Variants in ITGB6 observed in about 807,000 individuals in gnomAD.
ITGB6 encodes the protein integrin subunit beta 6.
ITGB6 carries 80 observed loss-of-function variants against 84.5 expected under a neutral mutation model. The ratio of observed to expected loss-of-function variants is 0.95; its 90% confidence interval spans 0.79 to 1.14. The LOEUF (loss-of-function observed/expected upper bound fraction) is 1.14, where lower values mean the gene tolerates loss of function less well. Ranked by LOEUF, ITGB6 falls within the 50% of genes most tolerant of loss-of-function variation. The pLI is 0.00. For synonymous variants in ITGB6, 383 were observed against 354.9 expected (o/e 1.08, Z -0.89); for missense variants, 1,006 against 968.0 (o/e 1.04, Z -0.52).
intron 7 of ITGB6, among the ~76,000 whole-genome samples, chr2:160,153,674 T>G (rs1684514079): frequency 6.6e-6 from 1 of 152,058 alleles, no homozygotes. Flanking sequence ...GGAGAAAATT[T>G]TTGCAACCTA....
intron 6 of ITGB6, among the ~76,000 whole-genome samples, chr2:160,171,362 T>C (rs1296495345): frequency 7.2e-6 from 1 of 139,808 alleles, no homozygotes; most frequent in East Asian, 2.1e-4. Flanking sequence ...GGAGACGGAG[T>C]CTCGCTCTGT....
At chr2:160,113,157 T>C (rs1559090732) in intron 12 of ITGB6, among the ~76,000 whole-genome samples, 1 of 152,258 alleles carries the variant, frequency 6.6e-6, no homozygotes, top group Non-Finnish European at 1.5e-5. Flanking sequence ...TAGTGTGTTA[T>C]GCTACAATGG....
At chr2:160,135,539 A>G (rs1683673214) in intron 10 of ITGB6, among the ~76,000 whole-genome samples, 2 of 152,094 alleles carry the variant, frequency 1.3e-5, no homozygotes, top group Admixed American at 1.3e-4. Flanking sequence ...TCTTCACAGA[A>G]CTGGAAAAAA....
chr2:160,151,033 A>G lies in ITGB6; in HGVS notation c.1018-8962T>C, dbSNP rs1263622170. ...AGACACTGTCTCTCATTAGACAGAT[A>G]AACAAGGCAGAAGCTTAACAAGGAT... On this transcript the variant is annotated intron_variant, in intron 7 of 14. Transcript: ENST00000283249. Among the ~76,000 whole-genome samples the G allele has an allele frequency of 5.6e-4, 85 of 152,062 alleles. 1 individual carries two copies. Among genetic ancestry groups the G allele is most frequent in the Admixed American group, 5.6e-3 (85 of 15,250 alleles).
At chr2:160,175,778 A>G (rs1018081558) in intron 4 of ITGB6, among the ~76,000 whole-genome samples, 1 of 152,220 alleles carries the variant, frequency 6.6e-6, no homozygotes, top group African/African-American at 2.4e-5. Flanking sequence ...AAGCACACAT[A>G]AAATAAGTTT....
Position 160,200,020 on chromosome 2 carries a change from C to T in ITGB6, c.44G>A (p.Arg15Lys), listed in dbSNP as rs188990572. Residue 15 changes from arginine to lysine, a missense_variant, in exon 1 of 15, where the codon AGG (arginine) becomes AAG (lysine). Physicochemically the swap from Arg to Lys is conservative, Grantham distance 26 (BLOSUM62 2). Coordinates refer to ENST00000283249, the MANE Select transcript of ITGB6 (RefSeq NM_000888.5). Reference protein sequence around the residue: ...LLCLFFLFLGRNDHVQGGCAL... With the variant: ...LLCLFFLFLGKNDHVQGGCAL... ...GGTCTTACCTTGTACGTGATCATTC[C>T]TTCCTAGAAATAGAAAGAACAGGCA... The T allele has an allele frequency of 5.3e-4, 854 of 1,613,668 alleles. 5 individuals carry two copies. The East Asian group carries it at 8.5e-3, about 16-fold the overall frequency.
intron 12 of ITGB6, among the ~76,000 whole-genome samples, chr2:160,118,347 A>G (rs1335145484): frequency 2.0e-5 from 3 of 152,252 alleles, no homozygotes; most frequent in Admixed American, 1.3e-4. Context: ...CTGGGATGCA[A>G]GGCTGATTCA....
rs1047774471 is a variant in ITGB6, at chr2:160,135,950, T to C, written c.1660+1484A>G. Among the ~76,000 whole-genome samples the C allele has an allele frequency of 2.6e-5, 4 of 152,236 alleles. No individual in the cohort carries two copies. In the South Asian group the frequency reaches 6.2e-4, roughly 24 times the overall value. On this transcript the variant is annotated intron_variant, in intron 10 of 14. Coordinates refer to ENST00000283249, the MANE Select transcript of ITGB6 (RefSeq NM_000888.5). ...ATATTAGACCTAAAACAATAAAAAC[T>C]CTAGAAGAAAACCTAGGCAATGCCA...
At chr2:160,172,879 A>G in intron 5 of ITGB6, 149 bp from the exon 6 acceptor site, 1 of 540,680 alleles carries the variant, frequency 1.8e-6, no homozygotes, top group East Asian at 2.8e-5. Context: ...TGATAATATT[A>G]ATGTTTTTAA....
intron 7 of ITGB6, among the ~76,000 whole-genome samples, chr2:160,158,812 G>C (rs1402541717): frequency 6.6e-6 from 1 of 152,122 alleles, no homozygotes; most frequent in Non-Finnish European, 1.5e-5. Flanking sequence ...TAGAAATGCA[G>C]ATTCTTGGCT....
chr2:160,199,510 A>G (rs1178878008), intron 1 of ITGB6, among the ~76,000 whole-genome samples: 1 of 152,208 alleles, frequency 6.6e-6, no homozygotes, highest in Non-Finnish European at 1.5e-5. Flanking sequence ...TTTTTCTTAA[A>G]ATGTGAAAGT....
intron 10 of ITGB6, among the ~76,000 whole-genome samples, chr2:160,133,116 G>A (rs1683538626): frequency 6.6e-6 from 1 of 152,068 alleles, no homozygotes; most frequent in Non-Finnish European, 1.5e-5. Context: ...GTCAGTCAGT[G>A]GCAAATTGGA....
chr2:160,115,605 C>T (rs941234664), intron 12 of ITGB6, among the ~76,000 whole-genome samples: 3 of 152,312 alleles, frequency 2.0e-5, no homozygotes, highest in African/African-American at 7.2e-5. Flanking sequence ...AGCAGAGTGC[C>T]TCTCCTCCTC....
Position 160,193,211 on chromosome 2 carries a change from C to G in ITGB6, c.593+2158G>C, listed in dbSNP as rs557672294. ...TCATAGCAGCCTTTTCATAATAGCTCCCCAAAATAGAAACAACCCAAATGT... is the reference window on the plus strand; with the variant it reads ...TCATAGCAGCCTTTTCATAATAGCTGCCCAAAATAGAAACAACCCAAATGT... On this transcript the variant is annotated intron_variant, in intron 4 of 14. Coordinates refer to ENST00000283249, the MANE Select transcript of ITGB6 (RefSeq NM_000888.5). 2.6e-5 allele frequency among the ~76,000 whole-genome samples: 4 copies of G among 152,104 alleles called. No individual in the cohort carries two copies. The East Asian group carries it at 7.7e-4, about 29-fold the overall frequency.
At chr2:160,159,531 C>G (rs1684744298) in intron 7 of ITGB6, among the ~76,000 whole-genome samples, 1 of 152,100 alleles carries the variant, frequency 6.6e-6, no homozygotes, top group Non-Finnish European at 1.5e-5. Flanking sequence ...AGAATAGCAC[C>G]CTGCTTACTT....
At chr2:160,180,664 C>T (rs892800520) in intron 4 of ITGB6, among the ~76,000 whole-genome samples, 11 of 152,142 alleles carry the variant, frequency 7.2e-5, no homozygotes, top group African/African-American at 2.7e-4. Context: ...GACATTTGCA[C>T]TGATGATATG....
At position 160,199,992 on chromosome 2, in the gene ITGB6, G is replaced by A. The variant is rs546569843; in HGVS notation, c.61+11C>T. ...CCACGAAAGTAATATATCAGAGAAC[G>A]CAGGTCTTACCTTGTACGTGATCAT... On this transcript the variant is annotated intron_variant, in intron 1 of 14. Transcript: ENST00000283249. 4.4e-6 allele frequency: 7 copies of A among 1,604,612 alleles called. No individual in the cohort carries two copies. Among genetic ancestry groups the A allele is most frequent in the African/African-American group, 4.0e-5 (3 of 74,764 alleles).
rs1455046465 is a variant in ITGB6, at chr2:160,137,551, C to A, written c.1543G>T (p.Gly515Cys). 1.2e-6 allele frequency: 2 copies of A among 1,614,196 alleles called. No homozygotes were observed. Among genetic ancestry groups the A allele is most frequent in the Non-Finnish European group, 8.5e-7 (1 of 1,180,022 alleles). The change falls in exon 10 of 15, where the codon GGT (glycine) becomes TGT (cysteine). Residue 515 changes from glycine (G) to cysteine (C), a missense_variant. Gly to Cys is a radical substitution (Grantham distance 159). Coordinates refer to ENST00000283249, the MANE Select transcript of ITGB6 (RefSeq NM_000888.5). Reference protein sequence around the residue: ...APDHPSCSGRGDCYCGQCICH... With the variant: ...APDHPSCSGRCDCYCGQCICH... ...ATACACTGCCCACAGTAGCAGTCAC[C>A]CCTTCCGCTGCAGGAGGGATGATCT...
intron 12 of ITGB6, among the ~76,000 whole-genome samples, chr2:160,117,353 A>C (rs1682828050): frequency 6.6e-6 from 1 of 151,524 alleles, no homozygotes; most frequent in South Asian, 2.1e-4. Flanking sequence ...ACTCAGGATT[A>C]AGAAACTCAC....
Sources: allele counts gnomAD v4.1 joint callset (sites outside exome capture counted in the v4.1 genomes callset), GRCh38; gene constraint gnomAD v4.1.1; transcripts MANE v1.5; gene names NCBI Gene and HGNC (gene_info 2026-07-23, HGNC 2026-07-21).